KLC3: variants seen among roughly 807,000 people sequenced by gnomAD.
KLC3 encodes the protein kinesin light chain 2.
In KLC3, 72 loss-of-function variants were observed where a neutral mutation model predicts 62.9. The ratio of observed to expected loss-of-function variants is 1.15; its 90% CI spans 0.95 to 1.39. The LOEUF is 1.39. Ranked by LOEUF, KLC3 falls within the 40% of genes most tolerant of loss-of-function variation. The probability of loss-of-function intolerance (pLI) is 0.00; values close to 1 mark genes in which losing one functional copy is unlikely to be tolerated. For synonymous variants in KLC3, 377 were observed against 300.5 expected (o/e 1.25, Z -2.63); for missense variants, 848 against 691.6 (o/e 1.23, Z -2.54).
chr19:45,349,692 AGGGTGGGG>A (rs1971618684), intron 8 of KLC3, 90 bp downstream of exon 8: 2 of 678,590 alleles, frequency 2.9e-6, no homozygotes, highest in Non-Finnish European at 4.3e-6. Flanking sequence ...GAGCAACGTG[AGGGTGGGG>A]GGGGGCCCCC....
intron 8 of KLC3, chr19:45,350,073 C>A: frequency 2.0e-6 from 1 of 497,094 alleles, no homozygotes; most frequent in Non-Finnish European, 3.6e-6. Flanking sequence ...GCTCCAAACC[C>A]ACTCTGCCCC....
At chr19:45,347,548 G>A in intron 4 of KLC3, 32 bp downstream of exon 4, 1 of 1,574,874 alleles carries the variant, frequency 6.3e-7, no homozygotes, top group Non-Finnish European at 8.6e-7. Flanking sequence ...CACAGAGGAT[G>A]GCAGGCCAGG....
rs777603167 is a variant in KLC3 at position 45,345,649 on chromosome 19, G to A, written c.108G>A (p.Ala36=). The A allele has an allele frequency of 2.1e-5, 33 of 1,583,650 alleles. No homozygotes were observed. Among genetic ancestry groups the A allele is most frequent in the Non-Finnish European group, 2.6e-5 (30 of 1,166,514 alleles). ...QTRQVVQGLE[A]LRAEHHGLAG... ...GGCAAGTGGTCCAGGGGCTGGAGGC[G>A]CTGCGGGCAGAGCACCATGGCCTGG... Residue 36 remains alanine (A), a synonymous_variant, in exon 2 of 13, where the codon GCG becomes GCA. Transcript: ENST00000391946.
intron 8 of KLC3, 89 bp from the exon 9 acceptor site, chr19:45,350,250 CTG>C: frequency 1.1e-6 from 1 of 933,948 alleles, no homozygotes; most frequent in Non-Finnish European, 1.6e-6. Flanking sequence ...ACCAAGACCC[CTG>C]TCTCTACAAA....
intron 5 of KLC3, 100 bp downstream of exon 5, chr19:45,348,260 C>T (rs1971557593): frequency 8.8e-7 from 1 of 1,133,538 alleles, no homozygotes; most frequent in Non-Finnish European, 1.3e-6. Context: ...CATGGAGCAC[C>T]TAGGGAGGTC....
intron 1 of KLC3, among the ~76,000 whole-genome samples, chr19:45,344,154 A>AGTGTGTGT (rs34947979): frequency 0.038 from 5,381 of 142,058 alleles, 353 homozygotes; most frequent in African/African-American, 0.13. Flanking sequence ...CTAATGAGGG[A>AGTGTGTGT]GTGTGTGTGT....
At chr19:45,345,151 T>C (rs1438966152) in intron 1 of KLC3, 3 of 385,930 alleles carry the variant, frequency 7.8e-6, no homozygotes, top group African/African-American at 2.1e-5. Flanking sequence ...AACCGGGAGC[T>C]CTGGGCCAGG....
At chr19:45,341,578 T>TGTGTGCGCGCGC in intron 1 of KLC3, among the ~76,000 whole-genome samples, 34 of 139,902 alleles carry the variant, frequency 2.4e-4, no homozygotes, top group South Asian at 4.7e-4. Context: ...TGTGTGTGTG[T>TGTGTGCGCGCGC]GCGCGCGCGC....
rs773481222 is a variant in KLC3, at chr19:45,345,623, C to T, written c.82C>T (p.Arg28Trp). The T allele has an allele frequency of 4.2e-5, 67 of 1,583,030 alleles. No homozygotes were observed. Among genetic ancestry groups the T allele is most frequent in the Middle Eastern group, 1.7e-4 (1 of 5,868 alleles). The change falls in exon 2 of 13, where the codon CGG becomes TGG. Residue 28 changes from arginine to tryptophan, a missense_variant. Transcript: ENST00000391946. ...CCCTGAGGAGCTGGTGCGGCAGACGCGGCAAGTGGTCCAGGGGCTGGAGGC... is the reference window on the plus strand; with the variant it reads ...CCCTGAGGAGCTGGTGCGGCAGACGTGGCAAGTGGTCCAGGGGCTGGAGGC... ...LSPEELVRQT[R>W]QVVQGLEALR... is the part of the protein sequence containing the mutation.
rs922212728 is a variant in KLC3, at chr19:45,345,763, G to A, written c.222G>A (p.Ser74=). The A allele has an allele frequency of 1.7e-5, 27 of 1,552,868 alleles. No homozygotes were observed. The highest frequency in any genetic ancestry group is 2.1e-4 in the Middle Eastern group (1 of 4,814). ...LEEKQQVVSH[S]LEAIELGLGE... is the part of the protein sequence containing the mutation. ...AAAAGCAGCAGGTGGTGAGCCACTC[G>A]CTGGAGGCCATCGAGCTGGGGCTGG... is the stretch of plus-strand genomic sequence containing the variant. Residue 74 remains serine, a synonymous_variant, in exon 2 of 13, where the codon TCG becomes TCA. Transcript: ENST00000391946.
chr19:45,351,465 T>TACC lies in KLC3; in HGVS notation c.*109_*111dup. ...CTCCTGGCCCCCCCTTGCCTCTGGG[T>TACC]ACCTGGTGGATAGCTGCCTTCTCCT... On this transcript the variant is annotated 3_prime_UTR_variant, in exon 13 of 13. Coordinates refer to ENST00000391946, the MANE Select transcript of KLC3 (RefSeq NM_177417.3). 6.3e-7 allele frequency: 1 copy of TACC among 1,583,320 alleles called. No homozygotes were observed. The highest frequency in any genetic ancestry group is 1.7e-5 in the Admixed American group (1 of 59,080).
intron 1 of KLC3, among the ~76,000 whole-genome samples, chr19:45,341,805 A>G (rs1971403753): frequency 6.9e-6 from 1 of 145,618 alleles, no homozygotes; most frequent in Non-Finnish European, 1.5e-5. Flanking sequence ...GTGTGTGTAG[A>G]GAGGAACTAG....
rs142103003 is a variant in KLC3 at position 45,351,457 on chromosome 19, C to T, written c.*100C>T. ...TCTATCATCTCCTGGCCCCCCCTTG[C>T]CTCTGGGTACCTGGTGGATAGCTGC... On this transcript the variant is annotated 3_prime_UTR_variant, in exon 13 of 13. Transcript: ENST00000391946. 5.2e-3 allele frequency: 8,270 copies of T among 1,582,124 alleles called. 26 individuals carry two copies. Among genetic ancestry groups the T allele is most frequent in the Non-Finnish European group, 6.1e-3 (7,162 of 1,167,974 alleles).
intron 5 of KLC3, among the ~76,000 whole-genome samples, chr19:45,348,366 G>A (rs1971561463): frequency 6.6e-6 from 1 of 150,984 alleles, no homozygotes; most frequent in African/African-American, 2.4e-5. Context: ...GGGCCACTGA[G>A]CCAGGCAGAG....
intron 5 of KLC3, 27 bp from the exon 6 acceptor site, chr19:45,348,619 C>T: frequency 6.4e-7 from 1 of 1,554,438 alleles, no homozygotes; most frequent in Non-Finnish European, 8.7e-7. Flanking sequence ...TGGCTAACCC[C>T]CTCCATTCCT....
chr19:45,340,780 G>A lies in KLC3; in HGVS notation c.-75G>A, dbSNP rs117361417. ...CCCGGCGCAGCGGGAGCGGCGGGGC[G>A]TGCCTGGCCTGCGGGACGCGACTGA... On this transcript the variant is annotated 5_prime_UTR_variant, in exon 1 of 13. It adds an upstream start codon to the 5' untranslated region. Coordinates refer to ENST00000391946, the MANE Select transcript of KLC3 (RefSeq NM_177417.3). The A allele has an allele frequency of 0.023, 3,464 of 152,166 alleles. 61 individuals carry two copies. The highest frequency in any genetic ancestry group is 0.036 in the Non-Finnish European group (2,433 of 67,958). The allele number at this position is 152,166 out of a possible 1,614,324, so 9.4% of individuals were successfully genotyped here.
chr19:45,345,473 C>T, intron 1 of KLC3, 61 bp from the exon 2 acceptor site: 1 of 1,547,466 alleles, frequency 6.5e-7, no homozygotes, highest in South Asian at 1.2e-5. Flanking sequence ...GGAATAGAGG[C>T]TGGGGGCCAA....
chr19:45,350,674 C>A lies in KLC3; in HGVS notation c.1306C>A (p.Arg436Ser), dbSNP rs373196157. Reference sequence around the variant, plus strand: ...CCGCAGCAGCTCACTCTCCAAGATCCGTGAGTCTATCAGGCGAGGAAGTGA... The same window carrying A: ...CCGCAGCAGCTCACTCTCCAAGATCAGTGAGTCTATCAGGCGAGGAAGTGA... ...LRRSSSLSKIRESIRRGSEKL... is the reference protein window; with the variant it reads ...LRRSSSLSKISESIRRGSEKL... The change falls in exon 11 of 13, where the codon CGT becomes AGT. Residue 436 changes from arginine to serine, a missense_variant. By Grantham distance (110) the Arg-to-Ser change is moderately radical. Coordinates refer to ENST00000391946, the MANE Select transcript of KLC3 (RefSeq NM_177417.3). 12 of 1,613,784 alleles carry A rather than the reference C, an allele frequency of 7.4e-6. No individual in the cohort carries two copies. In the African/African-American group the frequency reaches 1.3e-4, roughly 18 times the overall value.
At chr19:45,350,193 AG>A in intron 8 of KLC3, 147 bp from the exon 9 acceptor site, 1 of 635,334 alleles carries the variant, frequency 1.6e-6, no homozygotes. Flanking sequence ...AGGCCAAGGC[AG>A]GAGGATCACT....
Sources: allele counts gnomAD v4.1 joint callset (sites outside exome capture counted in the v4.1 genomes callset), GRCh38; gene constraint gnomAD v4.1.1; transcripts MANE v1.5; gene names NCBI Gene and HGNC (gene_info 2026-07-23, HGNC 2026-07-21).